DCUN1D4: variants seen among roughly 807,000 people sequenced by gnomAD.
DCUN1D4 encodes defective in cullin neddylation 1 domain containing 4.
In DCUN1D4, 22 loss-of-function variants were observed where a neutral mutation model predicts 47.9. The ratio of observed to expected loss-of-function variants is 0.46; its 90% CI spans 0.33 to 0.66. The LOEUF (loss-of-function observed/expected upper bound fraction) is 0.66, where lower values mean the gene tolerates loss of function less well. DCUN1D4 is among the 30% of genes least tolerant of loss of function. The pLI, the probability that DCUN1D4 is intolerant of heterozygous loss-of-function variation, is 0.02. For synonymous variants in DCUN1D4, 121 were observed against 112.2 expected, an observed-to-expected ratio of 1.08 and a Z score of -0.50; for missense variants, 301 against 340.8, an observed-to-expected ratio of 0.88 and a Z score of 0.92.
Position 51,863,704 on chromosome 4 carries a change from A to G in DCUN1D4, c.131A>G (p.Gln44Arg), listed in dbSNP as rs1725452352. 2 of 1,613,028 alleles carry G rather than the reference A, an allele frequency of 1.2e-6. No individual in the cohort carries two copies. Among genetic ancestry groups the G allele is most frequent in the African/African-American group, 2.7e-5 (2 of 74,906 alleles). The change falls in exon 3 of 11, where the codon CAA becomes CGA. Residue 44 changes from glutamine (Q) to arginine (R), a missense_variant. Gln to Arg is a conservative substitution (Grantham distance 43, BLOSUM62 1). Transcript: ENST00000334635. ...GAAGACATTGGCCAAGACGATCACCAAACAGGTATCTGTAAATGCTAACAC... is the reference window on the plus strand; with the variant it reads ...GAAGACATTGGCCAAGACGATCACCGAACAGGTATCTGTAAATGCTAACAC... The part of the protein sequence containing the change: ...LTEDIGQDDH[Q>R]TGSLRSCSSS...
intron 8 of DCUN1D4, among the ~76,000 whole-genome samples, chr4:51,908,614 A>G (rs1288643663): frequency 6.6e-6 from 1 of 151,618 alleles, no homozygotes; most frequent in African/African-American, 2.4e-5. Context: ...TTAAATGCCT[A>G]TAAAGTTGAT....
At chr4:51,853,939 C>T (rs889567188) in intron 1 of DCUN1D4, among the ~76,000 whole-genome samples, 1 of 152,180 alleles carries the variant, frequency 6.6e-6, no homozygotes, top group African/African-American at 2.4e-5. Context: ...CTGTTTGAAG[C>T]ACAGTGCAGC....
chr4:51,855,520 C>T (rs1724002295), intron 1 of DCUN1D4, among the ~76,000 whole-genome samples: 1 of 152,112 alleles, frequency 6.6e-6, no homozygotes, highest in African/African-American at 2.4e-5. Context: ...ATAGATATTT[C>T]AGGAAAGATA....
At chr4:51,845,698 C>T (rs1206427146) in intron 1 of DCUN1D4, among the ~76,000 whole-genome samples, 1 of 152,130 alleles carries the variant, frequency 6.6e-6, no homozygotes, top group African/African-American at 2.4e-5. Context: ...CTACTTGCAA[C>T]ATAGTCATTA....
intron 1 of DCUN1D4, among the ~76,000 whole-genome samples, chr4:51,853,861 T>C (rs189500150): frequency 6.6e-6 from 1 of 152,366 alleles, no homozygotes; most frequent in African/African-American, 2.4e-5. Flanking sequence ...GGGCAGATCG[T>C]GCAGACCCTT....
At chr4:51,866,926 C>T (rs909428099) in intron 3 of DCUN1D4, among the ~76,000 whole-genome samples, 1 of 152,202 alleles carries the variant, frequency 6.6e-6, no homozygotes, top group African/African-American at 2.4e-5. Context: ...TGGGCTCCTT[C>T]CACCCACTTG....
chr4:51,873,437 G>A (rs1727207906), intron 3 of DCUN1D4, among the ~76,000 whole-genome samples: 1 of 152,154 alleles, frequency 6.6e-6, no homozygotes. Flanking sequence ...ACTTAAGACG[G>A]CCTGAAGCAA....
At chr4:51,876,218 C>T (rs1185635511) in intron 4 of DCUN1D4, among the ~76,000 whole-genome samples, 3 of 152,062 alleles carry the variant, frequency 2.0e-5, no homozygotes, top group Non-Finnish European at 4.4e-5. Flanking sequence ...ACATATACAC[C>T]ATGGAATACT....
intron 8 of DCUN1D4, among the ~76,000 whole-genome samples, chr4:51,907,718 C>T (rs536393995): frequency 1.7e-3 from 253 of 152,152 alleles, no homozygotes; most frequent in African/African-American, 6.0e-3. Context: ...ATATGTAAGT[C>T]TTAAGCTGTA....
intron 8 of DCUN1D4, chr4:51,905,090 TCTTCCC>T (rs1487845394): frequency 1.8e-5 from 7 of 396,506 alleles, no homozygotes; most frequent in Non-Finnish European, 2.6e-5. Flanking sequence ...ATCATTTCTT[TCTTCCC>T]CTTTGAACCT....
intron 1 of DCUN1D4, chr4:51,844,421 G>C (rs1227281438): frequency 7.1e-6 from 7 of 984,426 alleles, no homozygotes; most frequent in South Asian, 4.7e-5. Flanking sequence ...CGCGGGCTCC[G>C]GCAGCGGGAC....
chr4:51,868,937 G>C (rs997521705), intron 3 of DCUN1D4, among the ~76,000 whole-genome samples: 2 of 152,008 alleles, frequency 1.3e-5, no homozygotes, highest in African/African-American at 4.8e-5. Context: ...GGGCAACATG[G>C]TGAAACCCCG....
chr4:51,840,301 A>G (rs922189171), upstream of DCUN1D4, among the ~76,000 whole-genome samples: 1 of 152,230 alleles, frequency 6.6e-6, no homozygotes, highest in Non-Finnish European at 1.5e-5. Context: ...ATTGAAAAAA[A>G]TCCTGAATGA....
chr4:51,875,205 C>T (rs1055134213), intron 4 of DCUN1D4: 4 of 152,116 alleles, frequency 2.6e-5, no homozygotes, highest in African/African-American at 7.2e-5. Flanking sequence ...GTTTATATCT[C>T]AAATGAATAG....
chr4:51,899,006 G>A (rs1483983563), intron 7 of DCUN1D4, among the ~76,000 whole-genome samples: 4 of 152,186 alleles, frequency 2.6e-5, no homozygotes, highest in Non-Finnish European at 4.4e-5. Context: ...ATAGAAAAAT[G>A]TATATGTATA....
chr4:51,835,165 T>C, the DCUN1D4 span, among the ~76,000 whole-genome samples: 1 of 152,180 alleles, frequency 6.6e-6, no homozygotes, highest in African/African-American at 2.4e-5. Context: ...TAAAATGTTA[T>C]CAAAGAGGCA....
chr4:51,850,515 C>T (rs1160880364), intron 1 of DCUN1D4, among the ~76,000 whole-genome samples: 2 of 152,204 alleles, frequency 1.3e-5, no homozygotes, highest in Non-Finnish European at 1.5e-5. Context: ...TACCCAGCTG[C>T]TCTGTGTGCG....
intron 3 of DCUN1D4, among the ~76,000 whole-genome samples, chr4:51,865,866 T>C (rs773439174): frequency 6.6e-6 from 1 of 152,162 alleles, no homozygotes; most frequent in Non-Finnish European, 1.5e-5. Context: ...CCTGAATCAC[T>C]GTCACAACTA....
Position 51,913,890 on chromosome 4 carries a change from A to C in DCUN1D4, c.*306A>C, listed in dbSNP as rs1734054070. On this transcript the variant is annotated 3_prime_UTR_variant, in exon 11 of 11. Transcript: ENST00000334635. ...TGTATAAAAGGAAAAAGGTTCACCT[A>C]GAGATTATTTCTGAAAAATGTATTG... 1.1e-5 allele frequency: 3 copies of C among 276,318 alleles called. No homozygotes were observed. Among genetic ancestry groups the C allele is most frequent in the Non-Finnish European group, 2.0e-5 (3 of 149,818 alleles). 17.1% of individuals were successfully genotyped at this position (276,318 alleles called of 1,614,324 possible). A position where few individuals can be genotyped will look rare whatever the true frequency, so the allele number is the denominator to read the frequency against.
Sources: allele counts gnomAD v4.1 joint callset (sites outside exome capture counted in the v4.1 genomes callset), GRCh38; gene constraint gnomAD v4.1.1; transcripts MANE v1.5; gene names NCBI Gene and HGNC (gene_info 2026-07-23, HGNC 2026-07-21).